MAP3K15: variants seen among roughly 807,000 people sequenced by gnomAD.
MAP3K15 encodes mitogen-activated protein kinase kinase kinase 15, also known as MAPK/ERK kinase kinase 15.
Under a neutral mutation model 99.5 loss-of-function variants are expected in MAP3K15, and 124 were observed. The ratio of observed to expected loss-of-function variants is 1.25; its 90% CI spans 1.08 to 1.45. The LOEUF is 1.45. Among genes scored for constraint, MAP3K15 ranks in the 40% most tolerant of loss-of-function variants. The pLI, the probability that MAP3K15 is intolerant of heterozygous loss-of-function variation, is 0.00. For synonymous variants in MAP3K15, 494 were observed against 439.6 expected, an observed-to-expected ratio of 1.12 and a Z score of -1.55; for missense variants, 1,242 against 1,079.7, an observed-to-expected ratio of 1.15 and a Z score of -2.11.
rs929366662 is a variant in MAP3K15, at chrX:19,426,237, T to G, written c.1273A>C (p.Lys425Gln). The change falls in exon 8 of 29, where the codon AAA becomes CAA. Residue 425 changes from lysine to glutamine, a missense_variant. Coordinates refer to ENST00000338883, the MANE Select transcript of MAP3K15 (RefSeq NM_001001671.4). The stretch of plus-strand genomic sequence containing the variant: ...CAATAATAAGCAGCTTTACCTATTT[T>G]CCTTAGTTCCAAGGAAGTTTCAAAT... ...QQFETSLELR[K>Q]IGVRLNSLLG... The G allele has an allele frequency of 9.1e-7, 1 of 1,094,515 alleles. No individual in the cohort carries two copies. The highest frequency in any genetic ancestry group is 2.4e-4 in the Middle Eastern group (1 of 4,085). 90.2% of individuals were successfully genotyped at this position (1,094,515 alleles called of 1,213,427 possible).
chrX:19,395,246 C>T (rs763816389), intron 15 of MAP3K15, 38 bp from the exon 16 acceptor site: 2 of 1,187,405 alleles, frequency 1.7e-6, no homozygotes, highest in Non-Finnish European at 2.3e-6. Context: ...CCTGCCAAAT[C>T]CCAGGGACTC....
intron 24 of MAP3K15, among the ~76,000 whole-genome samples, chrX:19,369,969 G>A (rs188764511): frequency 2.2e-3 from 249 of 111,218 alleles, no homozygotes; most frequent in African/African-American, 7.5e-3. Context: ...CCAAGCCTGT[G>A]CCGTTTTACT....
chrX:19,382,352 A>G (rs2063464350), intron 18 of MAP3K15, among the ~76,000 whole-genome samples: 1 of 109,947 alleles, frequency 9.1e-6, no homozygotes, highest in Non-Finnish European at 1.9e-5. Flanking sequence ...ATGTCTTATT[A>G]GCATTCTTTA....
intron 25 of MAP3K15, among the ~76,000 whole-genome samples, chrX:19,363,388 A>G (rs1482899079): frequency 8.9e-6 from 1 of 112,200 alleles, no homozygotes; most frequent in African/African-American, 3.2e-5. Context: ...TGAGAAACAC[A>G]TTTCTGTTGT....
At chrX:19,397,833 T>C (rs373340187) in intron 15 of MAP3K15, among the ~76,000 whole-genome samples, 143 of 110,782 alleles carry the variant, frequency 1.3e-3, no homozygotes, top group Middle Eastern at 4.7e-3. Context: ...ATCCCAGCAC[T>C]TTGGGAGGCC....
At chrX:19,402,251 C>A (rs1474141389) in intron 13 of MAP3K15, among the ~76,000 whole-genome samples, 1 of 109,851 alleles carries the variant, frequency 9.1e-6, no homozygotes, top group Non-Finnish European at 1.9e-5. Flanking sequence ...GCCAAGACTG[C>A]GCCACTGCAC....
chrX:19,455,815 A>T (rs1168992038), intron 6 of MAP3K15, among the ~76,000 whole-genome samples: 1 of 111,037 alleles, frequency 9.0e-6, no homozygotes, highest in Non-Finnish European at 1.9e-5. Flanking sequence ...GTTTTTATTT[A>T]ACAAACCAAT....
chrX:19,374,583 G>A lies in MAP3K15; in HGVS notation c.2667C>T (p.Phe889=), dbSNP rs185966397. 29 of 1,209,629 alleles carry A rather than the reference G, an allele frequency of 2.4e-5. No homozygotes were observed. In the East Asian group the frequency reaches 5.3e-4, roughly 22 times the overall value. ...TGGCACGTTTGTGGGGGTCAGGCTCGAAACAGGATAAAATGAAGGCTCGGG... is the reference window on the plus strand; with the variant it reads ...TGGCACGTTTGTGGGGGTCAGGCTCAAAACAGGATAAAATGAAGGCTCGGG... ...AEARAFILSC[F]EPDPHKRATT... The change falls in exon 20 of 29, where the codon TTC becomes TTT. Residue 889 remains phenylalanine, a synonymous_variant. Transcript: ENST00000338883.
At chrX:19,439,658 A>G (rs1456912437) in intron 6 of MAP3K15, among the ~76,000 whole-genome samples, 1 of 111,518 alleles carries the variant, frequency 9.0e-6, no homozygotes, top group Non-Finnish European at 1.9e-5. Context: ...TTTTATAGAC[A>G]GAGTCTCACT....
intron 1 of MAP3K15, among the ~76,000 whole-genome samples, chrX:19,507,097 G>A (rs974515127): frequency 1.8e-5 from 2 of 111,731 alleles, no homozygotes; most frequent in African/African-American, 6.5e-5. Context: ...CAAGAATGCT[G>A]CTAATTAGCA....
rs73637651 is a variant in MAP3K15, at chrX:19,444,744, T to C, written c.995+12169A>G. On this transcript the variant is annotated intron_variant, in intron 6 of 28. Coordinates refer to ENST00000338883, the MANE Select transcript of MAP3K15 (RefSeq NM_001001671.4). Reference sequence around the variant, plus strand: ...GGAAGACTCAGAAGCTCCTCAGAAATTGATATTTCAAGAAAAACAGTTGAT... The same window carrying C: ...GGAAGACTCAGAAGCTCCTCAGAAACTGATATTTCAAGAAAAACAGTTGAT... 5.9e-3 allele frequency among the ~76,000 whole-genome samples: 663 copies of C among 111,803 alleles called. 8 individuals carry two copies. Among genetic ancestry groups the C allele is most frequent in the African/African-American group, 0.02 (612 of 30,750 alleles).
intron 18 of MAP3K15, among the ~76,000 whole-genome samples, chrX:19,380,674 C>T (rs1300832789): frequency 8.9e-6 from 1 of 112,084 alleles, no homozygotes; most frequent in African/African-American, 3.2e-5. Context: ...TAGAGGCACA[C>T]ACCACCATGC....
chrX:19,424,865 T>G (rs2063817940), intron 9 of MAP3K15, among the ~76,000 whole-genome samples: 3 of 107,141 alleles, frequency 2.8e-5, no homozygotes, highest in African/African-American at 1.0e-4. Flanking sequence ...CAGTCTGGTC[T>G]CAAGCTACTG....
Position 19,413,427 on chromosome X carries a change from G to A in MAP3K15, c.1628C>T (p.Ser543Phe), listed in dbSNP as rs768569419. 1.7e-6 allele frequency: 2 copies of A among 1,209,138 alleles called. No homozygotes were observed. The highest frequency in any genetic ancestry group is 1.8e-5 in the South Asian group (1 of 56,713). Reference protein sequence around the residue: ...VIEPTKVYQPSYVSINNEAEE... With the variant: ...VIEPTKVYQPFYVSINNEAEE... Reference sequence around the variant, plus strand: ...GGCTTCATTGTTTATGGAAACATAAGAAGGCTGGTACACTTTGGTTGGCTC... The same window carrying A: ...GGCTTCATTGTTTATGGAAACATAAAAAGGCTGGTACACTTTGGTTGGCTC... Residue 543 changes from serine to phenylalanine, a missense_variant, in exon 11 of 29, where the codon TCT becomes TTT. By Grantham distance (155) the Ser-to-Phe change is radical. Coordinates refer to ENST00000338883, the MANE Select transcript of MAP3K15 (RefSeq NM_001001671.4).
At chrX:19,422,970 T>A (rs1422028993) in intron 9 of MAP3K15, among the ~76,000 whole-genome samples, 1 of 102,355 alleles carries the variant, frequency 9.8e-6, no homozygotes, top group African/African-American at 3.6e-5. Context: ...TAGGTGGGAA[T>A]TGAACAATGA....
At chrX:19,394,789 CTTTTTTTTTTTTTTT>C (rs144723219) in intron 16 of MAP3K15, among the ~76,000 whole-genome samples, 86 of 17,495 alleles carry the variant, frequency 4.9e-3, no homozygotes, top group African/African-American at 0.01. Flanking sequence ...GGGTCTGTTG[CTTTTTTTTTTTTTTT>C]TTTTTTTTTT....
chrX:19,464,887 G>C (rs1163460239), intron 3 of MAP3K15, among the ~76,000 whole-genome samples: 2 of 111,256 alleles, frequency 1.8e-5, no homozygotes, highest in African/African-American at 6.5e-5. Context: ...AATATAATGA[G>C]TCTCAGATCT....
At chrX:19,470,822 T>C (rs1176735459) in intron 3 of MAP3K15, among the ~76,000 whole-genome samples, 1 of 112,066 alleles carries the variant, frequency 8.9e-6, no homozygotes, top group Non-Finnish European at 1.9e-5. Context: ...AGGACCCAGA[T>C]ATTAAATGTA....
chrX:19,369,325 C>T, intron 24 of MAP3K15, 106 bp from the exon 25 acceptor site: 2 of 893,622 alleles, frequency 2.2e-6, no homozygotes, highest in Non-Finnish European at 1.6e-6. Flanking sequence ...GCTGGCCCAG[C>T]CCGTGCCATG....
Sources: gnomAD v4.1 joint callset for allele counts (sites outside exome capture counted in the v4.1 genomes callset) on GRCh38, gnomAD v4.1.1 for gene constraint, MANE v1.5 for transcripts, NCBI Gene and HGNC (gene_info 2026-07-23, HGNC 2026-07-21) for gene names.